Variants in GABBR2 observed in about 807,000 individuals in gnomAD.
GABBR2 encodes G-protein coupled receptor 51.
In GABBR2, 23 loss-of-function variants were observed where a neutral mutation model predicts 105.6. The ratio of observed to expected loss-of-function variants is 0.22; its 90% confidence interval spans 0.16 to 0.31. The LOEUF is 0.31. Ranked by LOEUF, GABBR2 falls within the 10% of genes least tolerant of loss-of-function variation. The pLI is 1.00. For missense variants in GABBR2, 734 were observed against 1,245.5 expected, an observed-to-expected ratio of 0.59 and a Z score of 6.18; for synonymous variants, 478 against 499.7, an observed-to-expected ratio of 0.96 and a Z score of 0.58.
chr9:98,317,704 G>A (rs1830742581), intron 13 of GABBR2, among the ~76,000 whole-genome samples: 1 of 152,194 alleles, frequency 6.6e-6, no homozygotes, highest in Admixed American at 6.5e-5. Flanking sequence ...GATTTGTCAT[G>A]TGCCTGCTGT....
intron 1 of GABBR2, among the ~76,000 whole-genome samples, chr9:98,698,503 CTT>C (rs200900023): frequency 5.1e-5 from 4 of 78,718 alleles, no homozygotes; most frequent in Non-Finnish European, 1.1e-4. Flanking sequence ...ATGCACAATT[CTT>C]TTTTTTTTTT....
chr9:98,373,142 G>A (rs964040827), intron 11 of GABBR2, among the ~76,000 whole-genome samples: 1 of 152,050 alleles, frequency 6.6e-6, no homozygotes, highest in Admixed American at 6.5e-5. Flanking sequence ...ATTTAGACCT[G>A]AGCATATTCA....
chr9:98,348,625 G>C (rs1249025505), intron 13 of GABBR2, among the ~76,000 whole-genome samples: 3 of 152,116 alleles, frequency 2.0e-5, no homozygotes, highest in African/African-American at 7.2e-5. Context: ...GTGTTTTGTA[G>C]TTTTCATTGT....
chr9:98,407,376 C>A (rs1832509779), intron 7 of GABBR2, among the ~76,000 whole-genome samples: 1 of 152,156 alleles, frequency 6.6e-6, no homozygotes, highest in Non-Finnish European at 1.5e-5. Flanking sequence ...CCTTCCAAGG[C>A]CACCTGGACA....
rs1025973179 is a variant in GABBR2, at chr9:98,388,039, C to G, written c.1529+815G>C. ...TCCCCATGACGGCCCATGCTCTGCA[C>G]CCCTGCTTATTCCACAAAAAGGCTT... On this transcript the variant is annotated intron_variant, in intron 10 of 18. Transcript: ENST00000259455. The surrounding 1 kb of genome is among the most constrained non-coding windows in gnomAD (Gnocchi z 4.4). Among the ~76,000 whole-genome samples, 6 of 152,190 alleles carry G rather than the reference C, an allele frequency of 3.9e-5. No individual in the cohort carries two copies. Among genetic ancestry groups the G allele is most frequent in the African/African-American group, 1.2e-4 (5 of 41,450 alleles).
At chr9:98,625,811 C>T (rs2131824888) in intron 1 of GABBR2, among the ~76,000 whole-genome samples, 1 of 152,334 alleles carries the variant, frequency 6.6e-6, no homozygotes, top group South Asian at 2.1e-4. Flanking sequence ...ATCCTCAGAG[C>T]ACCTCAAGAA....
intron 7 of GABBR2, among the ~76,000 whole-genome samples, chr9:98,420,337 C>A (rs540740904): frequency 1.3e-5 from 2 of 152,188 alleles, no homozygotes; most frequent in Non-Finnish European, 2.9e-5. Flanking sequence ...CAGCCTCAGC[C>A]GGCCTCGACT....
In GABBR2 at chr9:98,367,091, G is replaced by A. The variant is rs74984977; in HGVS notation, c.1771-4254C>T. ...TCACACGTGTTAATAGCCTTTAATA[G>A]CCTTCTTTTGCTTTAATGCTTTCAA... is the stretch of plus-strand genomic sequence containing the variant. On this transcript the variant is annotated intron_variant, in intron 12 of 18. Coordinates refer to ENST00000259455, the MANE Select transcript of GABBR2 (RefSeq NM_005458.8). 5.9e-5 allele frequency among the ~76,000 whole-genome samples: 9 copies of A among 151,912 alleles called. No individual in the cohort carries two copies. In the East Asian group the frequency reaches 1.7e-3, roughly 29 times the overall value.
chr9:98,457,781 C>T (rs1253375328), intron 6 of GABBR2, among the ~76,000 whole-genome samples: 1 of 152,154 alleles, frequency 6.6e-6, no homozygotes, highest in African/African-American at 2.4e-5. Context: ...ATGCCAGCAC[C>T]AACTCCCTTG....
intron 4 of GABBR2, among the ~76,000 whole-genome samples, chr9:98,488,104 G>A (rs979718288): frequency 6.6e-6 from 1 of 152,168 alleles, no homozygotes; most frequent in Non-Finnish European, 1.5e-5. Flanking sequence ...TCTAGATACT[G>A]GAACTAGAGC....
intron 1 of GABBR2, among the ~76,000 whole-genome samples, chr9:98,705,265 T>C (rs1370098825): frequency 6.6e-6 from 1 of 152,252 alleles, no homozygotes; most frequent in African/African-American, 2.4e-5. Context: ...GGTATTCTGT[T>C]AGGCTGTTTC....
chr9:98,557,941 C>T (rs936583847), intron 2 of GABBR2, among the ~76,000 whole-genome samples: 1 of 152,122 alleles, frequency 6.6e-6, no homozygotes, highest in African/African-American at 2.4e-5. Context: ...GAGTTTTTTA[C>T]CAGAATATAT....
At chr9:98,385,114 T>A (rs1832047944) in intron 11 of GABBR2, among the ~76,000 whole-genome samples, 1 of 152,222 alleles carries the variant, frequency 6.6e-6, no homozygotes, top group South Asian at 2.1e-4. Context: ...TTGGCGCTGA[T>A]GCTTTTCTGG....
At chr9:98,464,617 G>A (rs373106131) in intron 6 of GABBR2, among the ~76,000 whole-genome samples, 9 of 151,888 alleles carry the variant, frequency 5.9e-5, no homozygotes, top group African/African-American at 7.2e-5. Context: ...CAACAGCTCC[G>A]AAGAGACAGC....
At chr9:98,533,903 C>T (rs1430428125) in intron 3 of GABBR2, among the ~76,000 whole-genome samples, 2 of 152,084 alleles carry the variant, frequency 1.3e-5, no homozygotes, top group Non-Finnish European at 2.9e-5. Context: ...TAAAGGGTCT[C>T]GAGCCATGCT....
chr9:98,588,378 AG>A (rs963138579), intron 1 of GABBR2, among the ~76,000 whole-genome samples: 1 of 152,264 alleles, frequency 6.6e-6, no homozygotes, highest in Non-Finnish European at 1.5e-5. Context: ...TTCTTTGAAC[AG>A]AACAGGTACC....
At chr9:98,576,632 T>C (rs1382907962) in intron 2 of GABBR2, among the ~76,000 whole-genome samples, 1 of 152,164 alleles carries the variant, frequency 6.6e-6, no homozygotes, top group Non-Finnish European at 1.5e-5. Flanking sequence ...CCATTATCTA[T>C]AAAATGGGGA....
intron 3 of GABBR2, among the ~76,000 whole-genome samples, chr9:98,508,404 C>T (rs1358550926): frequency 2.0e-5 from 3 of 152,208 alleles, no homozygotes; most frequent in Admixed American, 2.0e-4. Context: ...TGGGGAGTGC[C>T]AGACAGTAAG....
chr9:98,542,708 G>C (rs1301823050), intron 2 of GABBR2, among the ~76,000 whole-genome samples: 2 of 152,156 alleles, frequency 1.3e-5, no homozygotes, highest in African/African-American at 4.8e-5. Context: ...AGCCAGGAAT[G>C]ATTAGAGGGC....
Sources: gnomAD v4.1 joint callset for allele counts (sites outside exome capture counted in the v4.1 genomes callset) on GRCh38, gnomAD v4.1.1 for gene constraint, Gnocchi (gnomAD v3.1) non-coding constraint, MANE v1.5 for transcripts, NCBI Gene and HGNC (gene_info 2026-07-23, HGNC 2026-07-21) for gene names.